Variants in ADCY10 observed in about 807,000 individuals in gnomAD.
ADCY10 encodes the protein adenylate cyclase type 10.
ADCY10 carries 156 observed loss-of-function variants against 183.3 expected under a neutral mutation model. The observed-to-expected ratio is 0.85, with a 90% CI of 0.75 to 0.97. The LOEUF is 0.97. Ranked by LOEUF, ADCY10 falls within the 50% of genes least tolerant of loss-of-function variation. The probability of loss-of-function intolerance (pLI) is 0.00; values close to 1 mark genes in which losing one functional copy is unlikely to be tolerated. For missense variants in ADCY10, 1,745 were observed against 1,934.3 expected, an observed-to-expected ratio of 0.90 and a Z score of 1.84; for synonymous variants, 645 against 670.0, an observed-to-expected ratio of 0.96 and a Z score of 0.58.
Position 167,833,037 on chromosome 1 carries a change from G to T in ADCY10, c.3543C>A (p.Asn1181Lys). 6.2e-7 allele frequency: 1 copy of T among 1,614,154 alleles called. No individual in the cohort carries two copies. Among genetic ancestry groups the T allele is most frequent in the South Asian group, 1.1e-5 (1 of 91,088 alleles). ...SLFLHIHVEK[N>K]RHFHYVNRQA... ...GCCGATTCACATAATGAAAGTGTCT[G>T]TTTTTCTCGACATGGATATGGAGAA... Residue 1181 changes from asparagine to lysine, a missense_variant, in exon 25 of 33, where the codon AAC becomes AAA. Transcript: ENST00000367851.
chr1:167,821,491 GATACT>G (rs1571217612), intron 30 of ADCY10, among the ~76,000 whole-genome samples: 1 of 152,228 alleles, frequency 6.6e-6, no homozygotes, highest in East Asian at 1.9e-4. Flanking sequence ...CAGGGAGTGT[GATACT>G]GATCTCTCTG....
At chr1:167,909,868 A>G (rs1345491585) in intron 1 of ADCY10, among the ~76,000 whole-genome samples, 1 of 152,208 alleles carries the variant, frequency 6.6e-6, no homozygotes, top group African/African-American at 2.4e-5. Context: ...TTGTCTCTGA[A>G]GAGAAAGAGG....
At chr1:167,859,149 G>A (rs562839602) in intron 16 of ADCY10, among the ~76,000 whole-genome samples, 71 of 152,314 alleles carry the variant, frequency 4.7e-4, no homozygotes, top group Non-Finnish European at 6.8e-4. Flanking sequence ...TCAACTCAGC[G>A]TGAGTCACTA....
At chr1:167,861,725 A>T (rs1480012492) in intron 14 of ADCY10, among the ~76,000 whole-genome samples, 1 of 152,070 alleles carries the variant, frequency 6.6e-6, no homozygotes, top group East Asian at 1.9e-4. Flanking sequence ...ACTATATTCA[A>T]CTTTTAATGC....
rs11586850 is a variant in ADCY10, at chr1:167,817,794, A to G, written c.4482+278T>C. ...ACAATTTAATGACAGGAAATTATTC[A>G]TAATATATTTAATAGCAAATTACAA... On this transcript the variant is annotated intron_variant, in intron 31 of 32. Coordinates refer to ENST00000367851, the MANE Select transcript of ADCY10 (RefSeq NM_018417.6). Among the ~76,000 whole-genome samples, 10,333 of 152,284 alleles carry G rather than the reference A, an allele frequency of 0.068. 439 individuals are homozygous for G. Among genetic ancestry groups the G allele is most frequent in the Middle Eastern group, 0.16 (46 of 294 alleles).
At chr1:167,873,236 CCTT>C (rs1383346045) in intron 13 of ADCY10, among the ~76,000 whole-genome samples, 1 of 151,966 alleles carries the variant, frequency 6.6e-6, no homozygotes, top group East Asian at 1.9e-4. Context: ...AGTGGGTATT[CCTT>C]CTCTCTAGCT....
chr1:167,845,614 C>G lies in ADCY10; in HGVS notation c.2956G>C (p.Ala986Pro). 6.2e-7 allele frequency: 1 copy of G among 1,614,198 alleles called. No individual in the cohort carries two copies. Among genetic ancestry groups the G allele is most frequent in the Non-Finnish European group, 8.5e-7 (1 of 1,180,028 alleles). The change falls in exon 21 of 33, where the codon GCT becomes CCT. Residue 986 changes from alanine (A) to proline (P), a missense_variant. Transcript: ENST00000367851. ...TTTTTAATGGCATCCATGTCTAAAG[C>G]GTTGAGCCGAATATTCACTGTGAAG... The part of the protein sequence containing the change: ...HHFTVNIRLN[A>P]LDMDAIKKMA...
intron 26 of ADCY10, among the ~76,000 whole-genome samples, chr1:167,826,833 C>T (rs2101878763): frequency 6.6e-6 from 1 of 152,202 alleles, no homozygotes; most frequent in Middle Eastern, 3.4e-3. Flanking sequence ...GACCAGTTCC[C>T]TCCAAGCAGA....
chr1:167,852,136 T>C (rs1665543499), intron 18 of ADCY10, among the ~76,000 whole-genome samples: 1 of 152,220 alleles, frequency 6.6e-6, no homozygotes, highest in Middle Eastern at 3.4e-3. Context: ...AGACACCTGA[T>C]TGTGTTTTAA....
intron 7 of ADCY10, among the ~76,000 whole-genome samples, chr1:167,894,710 T>TC (rs1238392753): frequency 1.3e-5 from 2 of 152,170 alleles, no homozygotes; most frequent in Non-Finnish European, 2.9e-5. Context: ...TTTGCTGAGT[T>TC]CTGTGAGTCA....
At chr1:167,910,828 T>G (rs898604801) in intron 1 of ADCY10, among the ~76,000 whole-genome samples, 1 of 152,234 alleles carries the variant, frequency 6.6e-6, no homozygotes, top group African/African-American at 2.4e-5. Flanking sequence ...GGCTCAACTT[T>G]GACTTCTTTA....
chr1:167,885,697 C>T (rs1438040409), intron 8 of ADCY10, among the ~76,000 whole-genome samples: 1 of 152,058 alleles, frequency 6.6e-6, no homozygotes, highest in East Asian at 1.9e-4. Flanking sequence ...CTCACTGCAA[C>T]CTCCGCCTCC....
chr1:167,844,218 A>C (rs908989247), intron 21 of ADCY10, among the ~76,000 whole-genome samples: 3 of 152,254 alleles, frequency 2.0e-5, no homozygotes, highest in Non-Finnish European at 4.4e-5. Context: ...TTCCCTGCCC[A>C]GTGCAGATGA....
At chr1:167,897,243 T>C (rs981164780) in intron 6 of ADCY10, among the ~76,000 whole-genome samples, 3 of 150,136 alleles carry the variant, frequency 2.0e-5, no homozygotes, top group South Asian at 4.2e-4. Flanking sequence ...CCTAGCACTT[T>C]GGGAGGCTGA....
intron 5 of ADCY10, among the ~76,000 whole-genome samples, chr1:167,901,303 G>A (rs991488653): frequency 3.3e-5 from 5 of 152,126 alleles, no homozygotes; most frequent in African/African-American, 7.2e-5. Context: ...GTAATGGCAA[G>A]CTAGTCTCTA....
chr1:167,898,279 T>A (rs1669145153), intron 6 of ADCY10, among the ~76,000 whole-genome samples: 1 of 152,036 alleles, frequency 6.6e-6, no homozygotes, highest in African/African-American at 2.4e-5. Context: ...GAATTCAAAG[T>A]TAAAACAATT....
intron 31 of ADCY10, among the ~76,000 whole-genome samples, chr1:167,816,032 G>A (rs927829871): frequency 6.6e-6 from 1 of 151,188 alleles, no homozygotes; most frequent in African/African-American, 2.4e-5. Context: ...TGTGGGATAA[G>A]TACAAAAGGT....
chr1:167,820,432 T>TAAAA, intron 30 of ADCY10: 1 of 515,064 alleles, frequency 1.9e-6, no homozygotes, highest in South Asian at 3.1e-5. Context: ...GTGATTTTTA[T>TAAAA]GCCCACTAAA....
At chr1:167,884,409 A>G (rs1668076354) in intron 8 of ADCY10, among the ~76,000 whole-genome samples, 1 of 152,132 alleles carries the variant, frequency 6.6e-6, no homozygotes, top group Admixed American at 6.6e-5. Context: ...CAAGGGTATA[A>G]TCCACCCCTA....
Sources: gnomAD v4.1 joint callset for allele counts (sites outside exome capture counted in the v4.1 genomes callset) on GRCh38, gnomAD v4.1.1 for gene constraint, MANE v1.5 for transcripts, NCBI Gene and HGNC (gene_info 2026-07-23, HGNC 2026-07-21) for gene names.